DNAJC1: variants seen among roughly 807,000 people sequenced by gnomAD.
DNAJC1 encodes the protein dnaJ homolog subfamily C member 1.
In DNAJC1, 58 loss-of-function variants were observed where a neutral mutation model predicts 76.6. The ratio of observed to expected loss-of-function variants is 0.76; its 90% CI spans 0.61 to 0.94. The LOEUF is 0.94. DNAJC1 is among the 40% of genes least tolerant of loss of function. The pLI is 0.00. For synonymous variants in DNAJC1, 258 were observed against 267.9 expected (o/e 0.96, Z 0.36); for missense variants, 689 against 677.3 (o/e 1.02, Z -0.19).
chr10:21,816,522 G>A (rs1261430277), intron 8 of DNAJC1, among the ~76,000 whole-genome samples: 1 of 150,826 alleles, frequency 6.6e-6, no homozygotes, highest in African/African-American at 2.4e-5. Context: ...AGCCTGGGCA[G>A]CAAAGAGACA....
At chr10:21,827,923 C>T (rs1157134460) in intron 8 of DNAJC1, among the ~76,000 whole-genome samples, 1 of 152,096 alleles carries the variant, frequency 6.6e-6, no homozygotes, top group Non-Finnish European at 1.5e-5. Flanking sequence ...TAATTCTTTG[C>T]TTATATGTGT....
chr10:21,800,179 C>T (rs1834798158), intron 9 of DNAJC1, among the ~76,000 whole-genome samples: 1 of 152,162 alleles, frequency 6.6e-6, no homozygotes, highest in African/African-American at 2.4e-5. Context: ...CAGACGTGGA[C>T]CCCTTGTACC....
At chr10:21,905,126 A>T (rs772339479) in intron 6 of DNAJC1, among the ~76,000 whole-genome samples, 3 of 152,134 alleles carry the variant, frequency 2.0e-5, no homozygotes, top group Non-Finnish European at 4.4e-5. Flanking sequence ...AGAGACGAGT[A>T]TAAAAACCAT....
At position 21,759,314 on chromosome 10, in the gene DNAJC1, G is replaced by C. The variant is rs1834212874; in HGVS notation, c.1452C>G (p.Ser484Arg). The C allele has an allele frequency of 6.2e-7, 1 of 1,614,104 alleles. No homozygotes were observed. The highest frequency in any genetic ancestry group is 1.3e-5 in the African/African-American group (1 of 74,930). Residue 484 changes from serine to arginine, a missense_variant, in exon 11 of 12, where the codon AGC becomes AGG. Physicochemically the swap from Ser to Arg is moderately radical, Grantham distance 110. Coordinates refer to ENST00000376980, the MANE Select transcript of DNAJC1 (RefSeq NM_022365.4). ...CAGACCGAGCTCTCTCTTTTCTCAG[G>C]CTCTCCTCGTCGCTGGACTCGTTTT... is the stretch of plus-strand genomic sequence containing the variant. Reference protein sequence around the residue: ...AEQNESSDEESLRKERARSAE... With the variant: ...AEQNESSDEERLRKERARSAE...
chr10:21,947,233 T>C (rs1168537746), intron 1 of DNAJC1, among the ~76,000 whole-genome samples: 2 of 152,172 alleles, frequency 1.3e-5, no homozygotes, highest in Non-Finnish European at 1.5e-5. Flanking sequence ...AATTAGCAAG[T>C]AATTAAAAAA....
chr10:21,833,958 T>C (rs1032696850), intron 8 of DNAJC1, among the ~76,000 whole-genome samples: 1 of 151,780 alleles, frequency 6.6e-6, no homozygotes, highest in Non-Finnish European at 1.5e-5. Context: ...TAAAAAAAAA[T>C]ACTTTATGAA....
intron 8 of DNAJC1, among the ~76,000 whole-genome samples, chr10:21,833,408 T>C (rs1426618533): frequency 6.6e-5 from 10 of 152,072 alleles, no homozygotes; most frequent in African/African-American, 1.7e-4. Flanking sequence ...GAGGCGGAGG[T>C]TGCAGTGAGC....
intron 1 of DNAJC1, among the ~76,000 whole-genome samples, chr10:21,961,159 G>C (rs1590068779): frequency 6.6e-6 from 1 of 152,194 alleles, no homozygotes; most frequent in East Asian, 1.9e-4. Flanking sequence ...GTGAAAAACA[G>C]TAAGATAGTT....
At chr10:21,896,835 G>C (rs1412785184) in intron 7 of DNAJC1, among the ~76,000 whole-genome samples, 1 of 152,060 alleles carries the variant, frequency 6.6e-6, no homozygotes, top group Non-Finnish European at 1.5e-5. Flanking sequence ...AGAGGAAAAG[G>C]CCACTGGGAG....
chr10:21,906,985 T>C (rs890188626), intron 6 of DNAJC1, among the ~76,000 whole-genome samples: 4 of 152,158 alleles, frequency 2.6e-5, no homozygotes, highest in African/African-American at 9.7e-5. Context: ...AAATCCTGTA[T>C]CTTCTTGCTT....
intron 8 of DNAJC1, among the ~76,000 whole-genome samples, chr10:21,811,093 T>C (rs1310098224): frequency 6.6e-6 from 1 of 152,188 alleles, no homozygotes; most frequent in South Asian, 2.1e-4. Context: ...ATCACACTGA[T>C]GACCTCCTCC....
chr10:21,832,144 T>A (rs1027625961), intron 8 of DNAJC1, among the ~76,000 whole-genome samples: 4 of 152,162 alleles, frequency 2.6e-5, no homozygotes, highest in Admixed American at 2.0e-4. Flanking sequence ...ATTCTCACAG[T>A]CTAGATTTCA....
intron 9 of DNAJC1, among the ~76,000 whole-genome samples, chr10:21,789,892 C>A (rs1476098496): frequency 6.6e-6 from 1 of 151,470 alleles, no homozygotes; most frequent in African/African-American, 2.4e-5. Flanking sequence ...CGCCTGTAAT[C>A]CCAGCTACTA....
At chr10:21,808,316 T>C (rs1328640626) in intron 8 of DNAJC1, among the ~76,000 whole-genome samples, 1 of 152,174 alleles carries the variant, frequency 6.6e-6, no homozygotes, top group Non-Finnish European at 1.5e-5. Context: ...TACATAAACA[T>C]TGACATTAAA....
At chr10:21,796,732 G>C (rs1023926840) in intron 9 of DNAJC1, among the ~76,000 whole-genome samples, 4 of 151,944 alleles carry the variant, frequency 2.6e-5, no homozygotes, top group Non-Finnish European at 4.4e-5. Context: ...ATACCTGTTG[G>C]CCATTTCTAT....
chr10:21,918,541 T>C (rs1403063403), intron 6 of DNAJC1, among the ~76,000 whole-genome samples: 2 of 151,930 alleles, frequency 1.3e-5, no homozygotes, highest in Non-Finnish European at 2.9e-5. Flanking sequence ...TTTTTTTCTT[T>C]TTCTAGCATC....
intron 8 of DNAJC1, among the ~76,000 whole-genome samples, chr10:21,831,977 T>C (rs1353620615): frequency 6.6e-6 from 1 of 152,070 alleles, no homozygotes; most frequent in Non-Finnish European, 1.5e-5. Context: ...ACCATAGTCA[T>C]CCTGTGATTT....
chr10:21,884,481 T>C (rs528161222), intron 7 of DNAJC1, among the ~76,000 whole-genome samples: 1 of 152,270 alleles, frequency 6.6e-6, no homozygotes, highest in Non-Finnish European at 1.5e-5. Flanking sequence ...ATTAGAGCCT[T>C]TCTGGAAAGC....
At chr10:21,906,948 T>C (rs1406709693) in intron 6 of DNAJC1, among the ~76,000 whole-genome samples, 1 of 152,210 alleles carries the variant, frequency 6.6e-6, no homozygotes, top group East Asian at 1.9e-4. Flanking sequence ...AGTTTTGTGC[T>C]TCATACTTCA....
Sources: allele counts gnomAD v4.1 joint callset (sites outside exome capture counted in the v4.1 genomes callset), GRCh38; gene constraint gnomAD v4.1.1; transcripts MANE v1.5; gene names NCBI Gene and HGNC (gene_info 2026-07-23, HGNC 2026-07-21).